ERP44: variants seen among roughly 807,000 people sequenced by gnomAD.
The protein encoded by ERP44 is endoplasmic reticulum resident protein 44.
In ERP44, 25 loss-of-function variants were observed where a neutral mutation model predicts 53.4. The observed-to-expected ratio is 0.47, with a 90% CI of 0.34 to 0.65. The LOEUF is 0.65. ERP44 is among the 30% of genes least tolerant of loss of function. The pLI, the probability that ERP44 is intolerant of heterozygous loss-of-function variation, is 0.01. For missense variants in ERP44, 338 were observed against 493.2 expected, an observed-to-expected ratio of 0.69 and a Z score of 2.98; for synonymous variants, 145 against 161.2, an observed-to-expected ratio of 0.90 and a Z score of 0.76.
chr9:99,990,203 A>G (rs1016644678), intron 10 of ERP44, among the ~76,000 whole-genome samples: 1 of 152,178 alleles, frequency 6.6e-6, no homozygotes, highest in Non-Finnish European at 1.5e-5. Flanking sequence ...GAGCAACCCC[A>G]AGACACATAA....
At position 100,060,144 on chromosome 9, in the gene ERP44, GT is replaced by G; in HGVS notation, c.85del (p.Thr29LeufsTer3). 6.7e-7 allele frequency: 1 copy of G among 1,496,302 alleles called. No individual in the cohort carries two copies. Among genetic ancestry groups the G allele is most frequent in the Non-Finnish European group, 8.9e-7 (1 of 1,124,544 alleles). 92.7% of individuals were successfully genotyped at this position (1,496,302 alleles called of 1,614,324 possible). A position where few individuals can be genotyped will look rare whatever the true frequency, so the allele number is the denominator to read the frequency against. On this transcript the variant is annotated frameshift_variant, in exon 2 of 12. Coordinates refer to ENST00000262455, the MANE Select transcript of ERP44 (RefSeq NM_015051.3). LOFTEE classifies it high-confidence loss of function. ...LVTWVFTPVT[T>X]EITSLDTENI... ...CTCTGTATCAAGACTTGTTATTTCA[GT>G]TGTTACAGGAGTAAAAACCCAAGTT...
intron 1 of ERP44, among the ~76,000 whole-genome samples, chr9:100,068,892 G>C (rs965763219): frequency 1.1e-4 from 16 of 152,338 alleles, no homozygotes; most frequent in Admixed American, 1.0e-3. Flanking sequence ...GATGGTTGCC[G>C]TGTCTGTGTA....
At chr9:100,067,148 T>A in intron 1 of ERP44, among the ~76,000 whole-genome samples, 1 of 149,178 alleles carries the variant, frequency 6.7e-6, no homozygotes, top group South Asian at 2.1e-4. Context: ...ACAACCGCTC[T>A]CGCTCTCGCT....
chr9:100,025,617 T>A (rs930701128), intron 4 of ERP44, among the ~76,000 whole-genome samples: 1 of 151,922 alleles, frequency 6.6e-6, no homozygotes, highest in African/African-American at 2.4e-5. Context: ...CTTCCTTAAT[T>A]GAAAAAAAGG....
intron 4 of ERP44, among the ~76,000 whole-genome samples, chr9:100,032,579 A>G (rs1480641424): frequency 6.6e-6 from 1 of 152,226 alleles, no homozygotes; most frequent in Non-Finnish European, 1.5e-5. Context: ...CTAAAATTAT[A>G]AGAAACTCCT....
chr9:99,994,206 T>G (rs563987205), intron 10 of ERP44, among the ~76,000 whole-genome samples: 1 of 152,226 alleles, frequency 6.6e-6, no homozygotes. Context: ...TGCACACATA[T>G]GTTAATCGCG....
At chr9:100,077,379 G>A (rs567900123) in intron 1 of ERP44, among the ~76,000 whole-genome samples, 29 of 152,328 alleles carry the variant, frequency 1.9e-4, no homozygotes, top group African/African-American at 6.5e-4. Flanking sequence ...ATCGCCTTTT[G>A]AAGTCACAAT....
intron 4 of ERP44, 53 bp from the exon 5 acceptor site, chr9:100,022,279 G>C (rs1830600259): frequency 7.0e-7 from 1 of 1,428,138 alleles, no homozygotes; most frequent in South Asian, 1.5e-5. Context: ...GGGCAAGCCT[G>C]TTTGCCTAAT....
intron 4 of ERP44, among the ~76,000 whole-genome samples, chr9:100,043,675 A>G (rs1415098859): frequency 6.6e-6 from 1 of 151,920 alleles, no homozygotes; most frequent in East Asian, 1.9e-4. Context: ...GAATCGCTTG[A>G]CCACTGGAGG....
chr9:100,081,642 T>C (rs570380903), intron 1 of ERP44, among the ~76,000 whole-genome samples: 3 of 152,296 alleles, frequency 2.0e-5, no homozygotes, highest in Admixed American at 6.5e-5. Context: ...ACAGCATTCC[T>C]GATTTAAAAT....
chr9:100,012,039 C>T (rs994725689), intron 8 of ERP44, among the ~76,000 whole-genome samples: 8 of 151,854 alleles, frequency 5.3e-5, no homozygotes, highest in South Asian at 4.1e-4. Flanking sequence ...AAATACTCCC[C>T]GAAATTCTAA....
At chr9:100,063,092 AAG>A in intron 1 of ERP44, among the ~76,000 whole-genome samples, 1 of 145,286 alleles carries the variant, frequency 6.9e-6, no homozygotes, top group Non-Finnish European at 1.5e-5. Context: ...AAAAAAAAAA[AAG>A]AGAGAGAGAG....
intron 4 of ERP44, among the ~76,000 whole-genome samples, chr9:100,049,019 C>T (rs1428443716): frequency 3.9e-5 from 6 of 151,972 alleles, no homozygotes; most frequent in African/African-American, 7.3e-5. Context: ...GTATATGTTA[C>T]AATTTTTTTA....
chr9:99,998,638 C>G, intron 10 of ERP44: 1 of 766,928 alleles, frequency 1.3e-6, no homozygotes, highest in Non-Finnish European at 2.4e-6. Context: ...CTTGAGATCT[C>G]TCCACATCCC....
Position 99,980,419 on chromosome 9 carries a change from A to T in ERP44, c.*2193T>A, listed in dbSNP as rs924124959. 5.3e-6 allele frequency: 1 copy of T among 189,084 alleles called. No individual in the cohort carries two copies. The highest frequency in any genetic ancestry group is 1.1e-5 in the Non-Finnish European group (1 of 93,052). The allele number at this position is 189,084 out of a possible 1,614,324, so 11.7% of individuals were successfully genotyped here. On this transcript the variant is annotated 3_prime_UTR_variant, in exon 12 of 12. Coordinates refer to ENST00000262455, the MANE Select transcript of ERP44 (RefSeq NM_015051.3). ...CCAGATAGACAGTGCCAGCATTTCAAATAATATCTAAAGACTGTCCCAGTC... is the reference window on the plus strand; with the variant it reads ...CCAGATAGACAGTGCCAGCATTTCATATAATATCTAAAGACTGTCCCAGTC...
intron 10 of ERP44, among the ~76,000 whole-genome samples, chr9:99,995,920 C>CTTTTTTTTTTTTTTTTTTTT (rs34632626): frequency 5.8e-5 from 7 of 121,436 alleles, no homozygotes; most frequent in Non-Finnish European, 8.6e-5. Flanking sequence ...TAGGGTAGTT[C>CTTTTTTTTTTTTTTTTTTTT]TTTTTTTTTT....
intron 1 of ERP44, among the ~76,000 whole-genome samples, chr9:100,098,445 C>T (rs570649866): frequency 6.6e-6 from 1 of 152,318 alleles, no homozygotes; most frequent in East Asian, 1.9e-4. Context: ...AACGCTAGGT[C>T]TATGCTTGGT....
At chr9:100,098,718 T>A in intron 1 of ERP44, 66 bp downstream of exon 1, 2 of 1,319,858 alleles carry the variant, frequency 1.5e-6, no homozygotes, top group Non-Finnish European at 2.2e-6. Flanking sequence ...GTAGCAGTGT[T>A]CCCCCTGGGC....
In ERP44 at chr9:100,036,373, C is replaced by T. The variant is rs529300269; in HGVS notation, c.287-14147G>A. Reference sequence around the variant, plus strand: ...CTGGATGCAGCTGGAGGCCATTATCCTAAGTGAACTAACACAGAAACAGAA... The same window carrying T: ...CTGGATGCAGCTGGAGGCCATTATCTTAAGTGAACTAACACAGAAACAGAA... On this transcript the variant is annotated intron_variant, in intron 4 of 11. Coordinates refer to ENST00000262455, the MANE Select transcript of ERP44 (RefSeq NM_015051.3). 9.4e-4 allele frequency among the ~76,000 whole-genome samples: 143 copies of T among 152,174 alleles called. 12 individuals carry two copies. The highest frequency in any genetic ancestry group is 1.3e-4 in the Admixed American group (2 of 15,270).
Sources: allele counts gnomAD v4.1 joint callset (sites outside exome capture counted in the v4.1 genomes callset), GRCh38; gene constraint gnomAD v4.1.1; transcripts MANE v1.5; gene names NCBI Gene and HGNC (gene_info 2026-07-23, HGNC 2026-07-21).